SCARF1: variants seen among roughly 807,000 people sequenced by gnomAD.
SCARF1 encodes acetyl LDL receptor.
SCARF1 carries 49 observed loss-of-function variants against 76.3 expected under a neutral mutation model. The observed-to-expected ratio is 0.64, with a 90% CI of 0.51 to 0.81. The LOEUF is 0.81. SCARF1 is among the 40% of genes least tolerant of loss of function. The pLI is 0.00. For missense variants in SCARF1, 1,098 were observed against 1,143.9 expected (o/e 0.96, Z 0.58); for synonymous variants, 495 against 474.6 (o/e 1.04, Z -0.56).
Position 1,633,879 on chromosome 17 carries a change from C to G in SCARF1, c.*879G>C, listed in dbSNP as rs894216637. 6.6e-6 allele frequency: 1 copy of G among 152,074 alleles called. No homozygotes were observed. The highest frequency in any genetic ancestry group is 2.1e-4 in the South Asian group (1 of 4,830). 9.4% of individuals were successfully genotyped at this position (152,074 alleles called of 1,614,324 possible). ...TTTATACATGTCTGTAATGTTAGTA[C>G]TTTTTATTTTTTTAACAAAGATCAT... On this transcript the variant is annotated 3_prime_UTR_variant, in exon 11 of 11. Coordinates refer to ENST00000263071, the MANE Select transcript of SCARF1 (RefSeq NM_003693.4).
chr17:1,636,267 G>A lies in SCARF1; in HGVS notation c.1633+442C>T, dbSNP rs189121094. The stretch of plus-strand genomic sequence containing the variant: ...GCCCATCTGACTCTAAGCCTGGTGA[G>A]GATAGGAATCTGTCTTGTTATCTCT... On this transcript the variant is annotated intron_variant, in intron 10 of 10. Transcript: ENST00000263071. Among the ~76,000 whole-genome samples, 177 of 152,334 alleles carry A rather than the reference G, an allele frequency of 1.2e-3. 1 individual carries two copies. Among genetic ancestry groups the A allele is most frequent in the East Asian group, 9.6e-4 (5 of 5,182 alleles).
In SCARF1 at chr17:1,645,046, TG is replaced by T; in HGVS notation, c.164-112del. On this transcript the variant is annotated intron_variant, in intron 2 of 10. Transcript: ENST00000263071. This position sits in a 1 kb window ranked among gnomAD's most constrained non-coding sequence, Gnocchi z 6.3. ...TCCTCAAGAGGTGCCCCTTCAGGCCTGGGGGTGCGTCACAGGAGAAACCCTG... is the reference window on the plus strand; with the variant it reads ...TCCTCAAGAGGTGCCCCTTCAGGCCTGGGGTGCGTCACAGGAGAAACCCTG... The T allele has an allele frequency of 6.6e-7, 1 of 1,522,458 alleles. No homozygotes were observed. The highest frequency in any genetic ancestry group is 9.0e-7 in the Non-Finnish European group (1 of 1,111,962). The allele number at this position is 1,522,458 out of a possible 1,614,324, so 94.3% of individuals were successfully genotyped here. A position where few individuals can be genotyped will look rare whatever the true frequency, so the allele number is the denominator to read the frequency against.
rs1319338869 is a variant in SCARF1 at position 1,640,568 on chromosome 17, C to T, written c.890G>A (p.Cys297Tyr). 1 of 1,611,006 alleles carries T rather than the reference C, an allele frequency of 6.2e-7. No homozygotes were observed. The highest frequency in any genetic ancestry group is 8.5e-7 in the Non-Finnish European group (1 of 1,179,104). ...GWNGTQCQQP[C>Y]LPGTFGESCE... is the part of the protein sequence containing the mutation. Reference sequence around the variant, plus strand: ...GCTCTCGCCAAAGGTGCCAGGCAGGCAGGGCTGCTGGCACTGGGTCCCGTT... The same window carrying T: ...GCTCTCGCCAAAGGTGCCAGGCAGGTAGGGCTGCTGGCACTGGGTCCCGTT... Residue 297 changes from cysteine to tyrosine, a missense_variant, in exon 5 of 11, where the codon TGC becomes TAC. Physicochemically the swap from Cys to Tyr is radical, Grantham distance 194. Transcript: ENST00000263071. The surrounding 1 kb of genome is among the most constrained non-coding windows in gnomAD (Gnocchi z 4.7).
chr17:1,635,264 G>A lies in SCARF1; in HGVS notation c.1987C>T (p.Pro663Ser), dbSNP rs1398174396. ...GCCACTGTCCGGCCACCAAGTGGGGGCCGCCGGTGGCCAGTGGCTGAATCC... is the reference window on the plus strand; with the variant it reads ...GCCACTGTCCGGCCACCAAGTGGGGACCGCCGGTGGCCAGTGGCTGAATCC... ...PGDSATGHRR[P>S]PLGGRTVAEH... The change falls in exon 11 of 11, where the codon CCC (proline) becomes TCC (serine). Residue 663 changes from proline (P) to serine (S), a missense_variant. Pro to Ser is a moderately conservative substitution (Grantham distance 74, BLOSUM62 -1). Transcript: ENST00000263071. The A allele has an allele frequency of 8.7e-6, 14 of 1,611,380 alleles. No individual in the cohort carries two copies. The highest frequency in any genetic ancestry group is 2.7e-5 in the African/African-American group (2 of 74,912).
Position 1,635,425 on chromosome 17 carries a change from A to C in SCARF1, c.1826T>G (p.Leu609Arg). 1 of 1,613,408 alleles carries C rather than the reference A, an allele frequency of 6.2e-7. No homozygotes were observed. The highest frequency in any genetic ancestry group is 8.5e-7 in the Non-Finnish European group (1 of 1,179,810). Residue 609 changes from leucine to arginine, a missense_variant, in exon 11 of 11, where the codon CTC (leucine) becomes CGC (arginine). Transcript: ENST00000263071. ...CTTGGGCTTTCGGAGCGGGCTGGAG[A>C]GCTCCCCTGAGCTTCGGCGACTCTG... ...APQSRRSSGELSSPLRKPKRL... is the reference protein window; with the variant it reads ...APQSRRSSGERSSPLRKPKRL...
At position 1,634,554 on chromosome 17, in the gene SCARF1, C is replaced by G. The variant is rs1909353374; in HGVS notation, c.*204G>C. 2 of 555,634 alleles carry G rather than the reference C, an allele frequency of 3.6e-6. No homozygotes were observed. The highest frequency in any genetic ancestry group is 6.1e-5 in the East Asian group (2 of 32,920). 34.4% of individuals were successfully genotyped at this position (555,634 alleles called of 1,614,324 possible). On this transcript the variant is annotated 3_prime_UTR_variant, in exon 11 of 11. Transcript: ENST00000263071. ...GTCCCTGCAGGCAACCCTTCCTGAC[C>G]CCATCCTACAGGGTCTCTGCCCAGG...
intron 8 of SCARF1, 81 bp downstream of exon 8, chr17:1,638,725 C>A: frequency 2.1e-6 from 3 of 1,440,616 alleles, no homozygotes; most frequent in Non-Finnish European, 2.8e-6. Flanking sequence ...CAGCCCTCCC[C>A]ACCCCACAAG....
Position 1,635,069 on chromosome 17 carries a change from T to A in SCARF1, c.2182A>T (p.Ile728Phe), listed in dbSNP as rs749178878. 1 of 1,613,990 alleles carries A rather than the reference T, an allele frequency of 6.2e-7. No homozygotes were observed. ...GQAEAKVKRA[I>F]PKPPRQALNR... ...AGGGCCTGGCGCGGAGGCTTAGGGA[T>A]GGCCCTCTTGACCTTGGCTTCCGCC... is the stretch of plus-strand genomic sequence containing the variant. The change falls in exon 11 of 11, where the codon ATC becomes TTC. Residue 728 changes from isoleucine to phenylalanine, a missense_variant. Coordinates refer to ENST00000263071, the MANE Select transcript of SCARF1 (RefSeq NM_003693.4).
rs764616672 is a variant in SCARF1, at chr17:1,636,752, T to C, written c.1590A>G (p.Gly530=). The C allele has an allele frequency of 6.2e-7, 1 of 1,614,094 alleles. No homozygotes were observed. Among genetic ancestry groups the C allele is most frequent in the Non-Finnish European group, 8.5e-7 (1 of 1,180,006 alleles). ...DDSFSSDPES[G]EADEVPAYCV... is the part of the protein sequence containing the mutation. ...AGTAGGCAGGAACCTCATCTGCCTC[T>C]CCAGACTCAGGATCGGATGAGAAGG... Residue 530 remains glycine, a synonymous_variant, in exon 10 of 11, where the codon GGA becomes GGG. Coordinates refer to ENST00000263071, the MANE Select transcript of SCARF1 (RefSeq NM_003693.4).
chr17:1,636,645 G>A, intron 10 of SCARF1, 64 bp downstream of exon 10: 2 of 1,549,044 alleles, frequency 1.3e-6, no homozygotes, highest in Non-Finnish European at 8.8e-7. Context: ...TTTGCTGGAG[G>A]ACTAAAGAGG....
intron 8 of SCARF1, 25 bp downstream of exon 8, chr17:1,638,781 G>C: frequency 6.3e-7 from 1 of 1,591,914 alleles, no homozygotes; most frequent in Non-Finnish European, 8.6e-7. Context: ...TGAGCTGTGT[G>C]GGGAAGGGAC....
At chr17:1,636,640 T>G in intron 10 of SCARF1, 69 bp downstream of exon 10, 1 of 1,531,792 alleles carries the variant, frequency 6.5e-7, no homozygotes, top group African/African-American at 1.4e-5. Context: ...ATAACTTTGC[T>G]GGAGGACTAA....
chr17:1,640,674 G>A lies in SCARF1; in HGVS notation c.792-8C>T. 5 of 1,609,666 alleles carry A rather than the reference G, an allele frequency of 3.1e-6. No individual in the cohort carries two copies. The South Asian group carries it at 3.3e-5, about 11-fold the overall frequency. Reference sequence around the variant, plus strand: ...TGTTTGCAGCGGCCACAGCTGGGAAGAGAAGGGCTTCGTGGGAACAGTGGG... The same window carrying A: ...TGTTTGCAGCGGCCACAGCTGGGAAAAGAAGGGCTTCGTGGGAACAGTGGG... On this transcript the variant is annotated splice_region_variant and splice_polypyrimidine_tract_variant and intron_variant, in intron 4 of 10. Coordinates refer to ENST00000263071, the MANE Select transcript of SCARF1 (RefSeq NM_003693.4). This position sits in a 1 kb window ranked among gnomAD's most constrained non-coding sequence, Gnocchi z 4.7.
At chr17:1,643,013 T>C (rs189899563) in intron 4 of SCARF1, among the ~76,000 whole-genome samples, 125 of 152,278 alleles carry the variant, frequency 8.2e-4, no homozygotes, top group African/African-American at 2.9e-3. Flanking sequence ...ACTTTTCCCC[T>C]TTCTCGTTCC....
rs986162307 is a variant in SCARF1 at position 1,645,346 on chromosome 17, C to A, written c.102-107G>T. On this transcript the variant is annotated intron_variant, in intron 1 of 10. Transcript: ENST00000263071. The surrounding 1 kb of genome is among the most constrained non-coding windows in gnomAD (Gnocchi z 6.3). ...CAGTGGGGGAGGCTGCCTTAGCCCC[C>A]TGGGGAGGCCTAATGGATCTTTACA... The A allele has an allele frequency of 3.4e-6, 5 of 1,455,744 alleles. No individual in the cohort carries two copies. The Admixed American group carries it at 7.8e-5, about 23-fold the overall frequency. 90.2% of individuals were successfully genotyped at this position (1,455,744 alleles called of 1,614,324 possible).
chr17:1,645,145 C>A lies in SCARF1; in HGVS notation c.163+33G>T. On this transcript the variant is annotated intron_variant, in intron 2 of 10. Coordinates refer to ENST00000263071, the MANE Select transcript of SCARF1 (RefSeq NM_003693.4). The surrounding 1 kb of genome is among the most constrained non-coding windows in gnomAD (Gnocchi z 6.3). ...TTGTCACTGGGCTACGGCCTCCCTT[C>A]TCCTTGGCTGAGGGTCTGTCCTGGC... 6.2e-7 allele frequency: 1 copy of A among 1,613,366 alleles called. No homozygotes were observed.
intron 3 of SCARF1, 31 bp from the exon 4 acceptor site, chr17:1,643,998 G>C (rs1910322476): frequency 1.9e-5 from 25 of 1,301,888 alleles, no homozygotes; most frequent in East Asian, 3.1e-5. Flanking sequence ...GGGGTCAGCG[G>C]GCTCAGGGCC....
At chr17:1,637,540 T>C (rs1909689177) in intron 8 of SCARF1, among the ~76,000 whole-genome samples, 1 of 152,136 alleles carries the variant, frequency 6.6e-6, no homozygotes, top group Non-Finnish European at 1.5e-5. Context: ...TGGTACGATC[T>C]TGGCTCACCG....
chr17:1,638,475 GC>G, intron 8 of SCARF1: 1 of 189,326 alleles, frequency 5.3e-6, no homozygotes, highest in Non-Finnish European at 1.1e-5. Flanking sequence ...GCTCCGGTTC[GC>G]CAGCCTGGTG....
Sources: allele counts gnomAD v4.1 joint callset (sites outside exome capture counted in the v4.1 genomes callset), GRCh38; gene constraint gnomAD v4.1.1; non-coding constraint Gnocchi (gnomAD v3.1); transcripts MANE v1.5; gene names NCBI Gene and HGNC (gene_info 2026-07-23, HGNC 2026-07-21).